Variants in ALS2 observed in about 807,000 individuals in gnomAD.
ALS2 encodes alsin Rho guanine nucleotide exchange factor ALS2.
In ALS2, 117 loss-of-function variants were observed where a neutral mutation model predicts 203.4. The ratio of observed to expected loss-of-function variants is 0.58; its 90% confidence interval spans 0.50 to 0.67. The LOEUF is 0.67. ALS2 is among the 30% of genes least tolerant of loss of function. ALS2 has a pLI of 0.00. For synonymous variants in ALS2, 718 were observed against 725.9 expected (o/e 0.99, Z 0.17); for missense variants, 1,715 against 1,989.4 (o/e 0.86, Z 2.62).
intron 13 of ALS2, among the ~76,000 whole-genome samples, chr2:201,730,685 TCA>T (rs1553507281): frequency 6.6e-6 from 1 of 151,028 alleles, no homozygotes; most frequent in Non-Finnish European, 1.5e-5. Flanking sequence ...AACTCAACTA[TCA>T]CAGTCATGCT....
At chr2:201,751,559 G>C (rs1286056262) in intron 7 of ALS2, among the ~76,000 whole-genome samples, 1 of 152,104 alleles carries the variant, frequency 6.6e-6, no homozygotes, top group Non-Finnish European at 1.5e-5. Flanking sequence ...ATATATAAGT[G>C]CAGCAACACT....
At chr2:201,749,287 T>A (rs1692873617) in intron 8 of ALS2, among the ~76,000 whole-genome samples, 1 of 151,630 alleles carries the variant, frequency 6.6e-6, no homozygotes, top group African/African-American at 2.4e-5. Flanking sequence ...CAAAAAAAAA[T>A]GTTTTACTAC....
Position 201,728,504 on chromosome 2 carries a change from C to T in ALS2, c.2841+8G>A, listed in dbSNP as rs1262521392. The T allele has an allele frequency of 6.2e-7, 1 of 1,613,878 alleles. No homozygotes were observed. Among genetic ancestry groups the T allele is most frequent in the African/African-American group, 1.3e-5 (1 of 74,902 alleles). On this transcript the variant is annotated splice_region_variant and intron_variant, in intron 15 of 33. Coordinates refer to ENST00000264276, the MANE Select transcript of ALS2 (RefSeq NM_020919.4). ...AGGAATTCTTTTAAGGTTAGGAATC[C>T]AGCCTACCTGGGCATGGACCAGGGC...
At chr2:201,755,467 T>C (rs1401078405) in intron 5 of ALS2, among the ~76,000 whole-genome samples, 2 of 152,216 alleles carry the variant, frequency 1.3e-5, no homozygotes, top group East Asian at 1.9e-4. Context: ...TTTGCCATAC[T>C]GGCCAGGCTG....
At chr2:201,712,989 T>C (rs1043895153) in intron 25 of ALS2, among the ~76,000 whole-genome samples, 3 of 152,162 alleles carry the variant, frequency 2.0e-5, no homozygotes, top group African/African-American at 7.2e-5. Flanking sequence ...TGTCTATACA[T>C]GGTTATCTGT....
At position 201,757,702 on chromosome 2, in the gene ALS2, C is replaced by T. The variant is rs41308816; in HGVS notation, c.1171G>A (p.Ala391Thr). ...LHSPPTTSTS[A>T]LNSLVVSCAS... ...CAAGAGACCACCAGGCTGTTTAGGG[C>T]TGAGGTGCTTGTGGTAGGCGGGCTG... Residue 391 changes from alanine (A) to threonine (T), a missense_variant, in exon 5 of 34, where the codon GCC becomes ACC. Physicochemically the swap from Ala to Thr is moderately conservative, Grantham distance 58. Coordinates refer to ENST00000264276, the MANE Select transcript of ALS2 (RefSeq NM_020919.4). 51 of 1,613,752 alleles carry T rather than the reference C, an allele frequency of 3.2e-5. No homozygotes were observed. In the East Asian group the frequency reaches 1.1e-3, roughly 36 times the overall value.
chr2:201,705,198 A>C lies in ALS2; in HGVS notation c.4629T>G (p.Val1543=). ...AACAAGCATCTTTCGTGGTTGGCAA[A>C]ACCTGCAAAAAAGAGAGTGAAGGTC... ...TLSILGESKK[V]LPTTKDACFA... Residue 1543 remains valine (V), a splice_region_variant and synonymous_variant, in exon 31 of 34, where the codon GTT becomes GTG. Transcript: ENST00000264276. The C allele has an allele frequency of 6.2e-7, 1 of 1,614,096 alleles. No individual in the cohort carries two copies. The highest frequency in any genetic ancestry group is 8.5e-7 in the Non-Finnish European group (1 of 1,179,962).
intron 12 of ALS2, among the ~76,000 whole-genome samples, chr2:201,734,286 G>C (rs1691743939): frequency 6.6e-6 from 1 of 151,998 alleles, no homozygotes; most frequent in Admixed American, 6.6e-5. Context: ...ACCAGCCTGA[G>C]CAACATAATG....
intron 1 of ALS2, among the ~76,000 whole-genome samples, chr2:201,773,015 C>G (rs1263218016): frequency 2.0e-4 from 30 of 151,972 alleles, no homozygotes; most frequent in Non-Finnish European, 2.9e-5. Context: ...GTGCACACCA[C>G]CACACCTGGC....
chr2:201,776,820 T>C (rs186860850), intron 1 of ALS2, among the ~76,000 whole-genome samples: 2 of 152,328 alleles, frequency 1.3e-5, no homozygotes, highest in South Asian at 2.1e-4. Flanking sequence ...CTTGCTTTAA[T>C]AGTGCTAGTA....
chr2:201,755,556 C>G (rs560577843), intron 5 of ALS2, among the ~76,000 whole-genome samples: 6 of 152,150 alleles, frequency 3.9e-5, no homozygotes, highest in Non-Finnish European at 8.8e-5. Flanking sequence ...AGCCACTGTG[C>G]CCGGCTCCCA....
chr2:201,731,013 C>T (rs1691517848), intron 13 of ALS2, among the ~76,000 whole-genome samples: 1 of 152,094 alleles, frequency 6.6e-6, no homozygotes, highest in African/African-American at 2.4e-5. Flanking sequence ...TTTGGAAGCC[C>T]CAGGGGTCTG....
chr2:201,770,712 G>C (rs1013801896), intron 1 of ALS2, among the ~76,000 whole-genome samples: 9 of 152,162 alleles, frequency 5.9e-5, no homozygotes, highest in African/African-American at 1.7e-4. Flanking sequence ...GAATCAAAGA[G>C]ACATGATGAT....
chr2:201,743,637 T>C (rs1224009604), intron 10 of ALS2, among the ~76,000 whole-genome samples: 2 of 151,998 alleles, frequency 1.3e-5, no homozygotes, highest in South Asian at 2.1e-4. Context: ...GGCACCCACC[T>C]GGCTAATTTT....
At position 201,701,908 on chromosome 2, in the gene ALS2, A is replaced by C; in HGVS notation, c.4936-19T>G. On this transcript the variant is annotated intron_variant, in intron 33 of 33. Transcript: ENST00000264276. ...AACATGCCTGGAAGAAAAGTTCAAA[A>C]TAATTTCAAATTCACTTTTAAAGAA... The C allele has an allele frequency of 6.2e-7, 1 of 1,612,572 alleles. No individual in the cohort carries two copies.
intron 24 of ALS2, among the ~76,000 whole-genome samples, chr2:201,716,413 A>G (rs1242138941): frequency 2.6e-5 from 4 of 152,100 alleles, no homozygotes; most frequent in African/African-American, 7.2e-5. Context: ...GCATGGTGGC[A>G]CATGCCTGTA....
chr2:201,710,330 C>T (rs1689961323), intron 26 of ALS2, among the ~76,000 whole-genome samples: 1 of 151,704 alleles, frequency 6.6e-6, no homozygotes, highest in Non-Finnish European at 1.5e-5. Flanking sequence ...GATGTGGTGG[C>T]TCATGCCTAT....
Position 201,760,886 on chromosome 2 carries a change from A to G in ALS2, c.1108T>C (p.Ser370Pro). Residue 370 changes from serine (S) to proline (P), a missense_variant, in exon 4 of 34, where the codon TCT (serine) becomes CCT (proline). Physicochemically the swap from Ser to Pro is moderately conservative, Grantham distance 74. Transcript: ENST00000264276. ...TTATAAAATTGAGCAGGTACCTGAGATGGCACTGGCTTTTCACCATGCTCT... is the reference window on the plus strand; with the variant it reads ...TTATAAAATTGAGCAGGTACCTGAGGTGGCACTGGCTTTTCACCATGCTCT... ...DSEHGEKPVPSQPLLEEAIPN... is the reference protein window; with the variant it reads ...DSEHGEKPVPPQPLLEEAIPN... The G allele has an allele frequency of 6.2e-7, 1 of 1,611,974 alleles. No individual in the cohort carries two copies. The highest frequency in any genetic ancestry group is 1.1e-5 in the South Asian group (1 of 91,014).
At chr2:201,727,359 C>G in intron 16 of ALS2, 81 bp from the exon 17 acceptor site, 1 of 1,186,302 alleles carries the variant, frequency 8.4e-7, no homozygotes, top group Admixed American at 1.7e-5. Context: ...GAAAAGCAAC[C>G]TCTTTATTTC....
Sources: allele counts gnomAD v4.1 joint callset (sites outside exome capture counted in the v4.1 genomes callset), GRCh38; gene constraint gnomAD v4.1.1; transcripts MANE v1.5; gene names NCBI Gene and HGNC (gene_info 2026-07-23, HGNC 2026-07-21).